Variants in C4orf17 observed in about 807,000 individuals in gnomAD.
C4orf17 encodes chromosome 4 open reading frame 17, also known as uncharacterized protein C4orf17.
Under a neutral mutation model 32.0 loss-of-function variants are expected in C4orf17, and 25 were observed. The observed-to-expected ratio is 0.78, with a 90% CI of 0.57 to 1.09. C4orf17 has a LOEUF of 1.09. Among genes scored for constraint, C4orf17 ranks in the 50% least tolerant of loss-of-function variants. The pLI is 0.00. For synonymous variants in C4orf17, 149 were observed against 145.8 expected (o/e 1.02, Z -0.16); for missense variants, 420 against 420.0 (o/e 1.00, Z 0.00).
At chr4:99,520,120 C>T (rs548318489) in intron 2 of C4orf17, among the ~76,000 whole-genome samples, 15 of 144,982 alleles carry the variant, frequency 1.0e-4, no homozygotes, top group East Asian at 4.0e-4. Context: ...GACGGAGTCT[C>T]GCTCTTTCAC....
intron 3 of C4orf17, 139 bp from the exon 4 acceptor site, chr4:99,524,382 C>T: frequency 1.1e-5 from 6 of 545,802 alleles, no homozygotes; most frequent in East Asian, 6.2e-5. Context: ...TGCAAATTTC[C>T]TAATATTTAT....
At chr4:99,541,207 C>T (rs1723646684) in intron 8 of C4orf17, 1 of 152,236 alleles carries the variant, frequency 6.6e-6, no homozygotes, top group African/African-American at 2.4e-5. Context: ...GCAAGTTCCA[C>T]TGTGATTAAC....
chr4:99,513,000 A>C lies in C4orf17; in HGVS notation c.-82A>C. ...TTTTGTGATTTCAGGGTCTGAGCAC[A>C]TCTGGAAGTGAGGTCAATCAAGTTA... On this transcript the variant is annotated 5_prime_UTR_variant, in exon 2 of 9. Coordinates refer to ENST00000326581, the MANE Select transcript of C4orf17 (RefSeq NM_032149.3). 2.0e-6 allele frequency: 3 copies of C among 1,479,226 alleles called. No individual in the cohort carries two copies. The highest frequency in any genetic ancestry group is 2.8e-6 in the Non-Finnish European group (3 of 1,067,598). 91.6% of individuals were successfully genotyped at this position (1,479,226 alleles called of 1,614,324 possible).
At chr4:99,534,590 C>T (rs1723529942) in intron 5 of C4orf17, among the ~76,000 whole-genome samples, 1 of 152,212 alleles carries the variant, frequency 6.6e-6, no homozygotes, top group African/African-American at 2.4e-5. Context: ...AATTTATACT[C>T]CCACCAACAG....
intron 4 of C4orf17, among the ~76,000 whole-genome samples, chr4:99,529,230 C>T (rs1723438654): frequency 6.6e-6 from 1 of 152,166 alleles, no homozygotes; most frequent in South Asian, 2.1e-4. Flanking sequence ...GCTTCTGTAA[C>T]TCTTCATGGA....
intron 2 of C4orf17, among the ~76,000 whole-genome samples, chr4:99,515,690 C>T (rs1054129590): frequency 6.6e-6 from 1 of 151,816 alleles, no homozygotes; most frequent in Non-Finnish European, 1.5e-5. Context: ...AGTTGTACTC[C>T]TGAACTTAAA....
At chr4:99,522,236 C>T (rs1163982399) in intron 2 of C4orf17, among the ~76,000 whole-genome samples, 1 of 151,962 alleles carries the variant, frequency 6.6e-6, no homozygotes, top group African/African-American at 2.4e-5. Context: ...CCAACATCGA[C>T]GATGTGGTCT....
chr4:99,520,682 G>T lies in C4orf17; in HGVS notation c.128-1818G>T, dbSNP rs1033436625. Reference sequence around the variant, plus strand: ...AAAAATTTCAATTCCAACATTATTTGTCTGCCTTAGAAATCTAGCAAATTT... The same window carrying T: ...AAAAATTTCAATTCCAACATTATTTTTCTGCCTTAGAAATCTAGCAAATTT... On this transcript the variant is annotated intron_variant, in intron 2 of 8. Coordinates refer to ENST00000326581, the MANE Select transcript of C4orf17 (RefSeq NM_032149.3). 3.3e-5 allele frequency among the ~76,000 whole-genome samples: 5 copies of T among 152,268 alleles called. 1 individual carries two copies. In the South Asian group the frequency reaches 1.0e-3, roughly 32 times the overall value.
intron 2 of C4orf17, among the ~76,000 whole-genome samples, chr4:99,519,800 C>T (rs907887047): frequency 1.9e-4 from 29 of 151,960 alleles, no homozygotes; most frequent in Non-Finnish European, 3.5e-4. Flanking sequence ...GAGGGACAGG[C>T]CAGGGCAGAG....
chr4:99,537,580 G>A (rs1045201459), intron 5 of C4orf17, 89 bp from the exon 6 acceptor site: 1 of 903,188 alleles, frequency 1.1e-6, no homozygotes, highest in African/African-American at 1.6e-5. Context: ...GTGATATTTG[G>A]GAAGATGGGA....
chr4:99,518,097 C>T (rs546474013), intron 2 of C4orf17, among the ~76,000 whole-genome samples: 1 of 152,190 alleles, frequency 6.6e-6, no homozygotes, highest in South Asian at 2.1e-4. Context: ...TAAGCCACTT[C>T]TCTCCATGGC....
In C4orf17 at chr4:99,527,458, A is replaced by G. The variant is rs1723409716; in HGVS notation, c.403-2357A>G. Among the ~76,000 whole-genome samples the G allele has an allele frequency of 3.3e-5, 5 of 152,272 alleles. No individual in the cohort carries two copies. In the South Asian group the frequency reaches 8.3e-4, roughly 25 times the overall value. ...AAGTCTTCTACAGCAGCAGCTCCCAAACTTTTTTGGAAGACTATTTTTCTA... is the reference window on the plus strand; with the variant it reads ...AAGTCTTCTACAGCAGCAGCTCCCAGACTTTTTTGGAAGACTATTTTTCTA... On this transcript the variant is annotated intron_variant, in intron 4 of 8. Transcript: ENST00000326581.
At chr4:99,528,476 A>T (rs541339824) in intron 4 of C4orf17, among the ~76,000 whole-genome samples, 1 of 152,312 alleles carries the variant, frequency 6.6e-6, no homozygotes, top group Non-Finnish European at 1.5e-5. Flanking sequence ...CAATTTTTGT[A>T]TATACCATTT....
chr4:99,536,044 G>A (rs1455359307), intron 5 of C4orf17: 1 of 429,690 alleles, frequency 2.3e-6, no homozygotes, highest in African/African-American at 2.1e-5. Context: ...CATACCTAGA[G>A]GTATCATCAG....
chr4:99,522,762 G>T, intron 3 of C4orf17, 53 bp downstream of exon 3: 2 of 1,402,440 alleles, frequency 1.4e-6, no homozygotes, highest in Non-Finnish European at 2.0e-6. Context: ...TGCAAACAAG[G>T]CTGTGGGGAG....
intron 2 of C4orf17, among the ~76,000 whole-genome samples, chr4:99,518,682 C>T (rs1407234599): frequency 2.7e-5 from 4 of 149,970 alleles, no homozygotes; most frequent in African/African-American, 4.9e-5. Context: ...TTGACATAGG[C>T]TAAAATGTTC....
chr4:99,526,310 A>C (rs1162900560), intron 4 of C4orf17, among the ~76,000 whole-genome samples: 1 of 152,164 alleles, frequency 6.6e-6, no homozygotes, highest in Non-Finnish European at 1.5e-5. Context: ...ACTAAGTTTC[A>C]AATTGGAACC....
intron 5 of C4orf17, among the ~76,000 whole-genome samples, chr4:99,532,683 C>T (rs752630724): frequency 3.9e-5 from 6 of 152,136 alleles, no homozygotes; most frequent in Admixed American, 2.6e-4. Context: ...CACATGTACC[C>T]GCTGAGTCTC....
At chr4:99,525,315 C>T (rs1340618252) in intron 4 of C4orf17, among the ~76,000 whole-genome samples, 2 of 152,148 alleles carry the variant, frequency 1.3e-5, no homozygotes, top group Non-Finnish European at 1.5e-5. Flanking sequence ...TTTTCCTCCA[C>T]GTCTTCCCCA....
Sources: allele counts gnomAD v4.1 joint callset (sites outside exome capture counted in the v4.1 genomes callset), GRCh38; gene constraint gnomAD v4.1.1; transcripts MANE v1.5; gene names NCBI Gene and HGNC (gene_info 2026-07-23, HGNC 2026-07-21).